Variants in KCNC2 observed in about 807,000 individuals in gnomAD.
KCNC2 encodes voltage-gated potassium channel KCNC2.
A neutral mutation model predicts 44.5 loss-of-function variants in KCNC2; 21 were observed. That is an observed-to-expected ratio of 0.47 (90% CI 0.33 to 0.68). KCNC2 has a LOEUF of 0.68. Ranked by LOEUF, KCNC2 falls within the 30% of genes least tolerant of loss-of-function variation. The pLI is 0.01. For missense variants in KCNC2, 589 were observed against 826.2 expected, an observed-to-expected ratio of 0.71 and a Z score of 3.52; for synonymous variants, 391 against 339.1, an observed-to-expected ratio of 1.15 and a Z score of -1.68.
chr12:75,078,944 C>A (rs1002561426), intron 2 of KCNC2, among the ~76,000 whole-genome samples: 2 of 152,074 alleles, frequency 1.3e-5, no homozygotes, highest in Non-Finnish European at 2.9e-5. Flanking sequence ...CTAGCTGTAC[C>A]TGACTTTAAG....
At chr12:75,084,255 G>T in intron 2 of KCNC2, among the ~76,000 whole-genome samples, 1 of 94,928 alleles carries the variant, frequency 1.1e-5, no homozygotes, top group East Asian at 2.8e-4. Context: ...AGATGATGAT[G>T]ATAGATAGAT....
intron 2 of KCNC2, among the ~76,000 whole-genome samples, chr12:75,206,150 G>C (rs1404004268): frequency 6.6e-6 from 1 of 152,136 alleles, no homozygotes; most frequent in East Asian, 1.9e-4. Context: ...AGACACTTCT[G>C]ACATACAGAG....
intron 2 of KCNC2, among the ~76,000 whole-genome samples, chr12:75,117,636 G>C (rs1202382554): frequency 6.6e-6 from 1 of 151,950 alleles, no homozygotes; most frequent in African/African-American, 2.4e-5. Context: ...AGAACTCTTA[G>C]GTTTGGAAGG....
At chr12:75,104,293 C>T (rs1023204911) in intron 2 of KCNC2, among the ~76,000 whole-genome samples, 5 of 152,146 alleles carry the variant, frequency 3.3e-5, no homozygotes, top group Non-Finnish European at 7.3e-5. Flanking sequence ...GGAAGGTTCA[C>T]GTCCCAAGTA....
chr12:75,077,753 C>T (rs1404154064), intron 2 of KCNC2, among the ~76,000 whole-genome samples: 2 of 152,044 alleles, frequency 1.3e-5, no homozygotes, highest in Admixed American at 6.6e-5. Context: ...GTTACGATAG[C>T]GTAAAACCTC....
At chr12:75,049,411 A>G (rs1471574150) in intron 3 of KCNC2, among the ~76,000 whole-genome samples, 1 of 152,148 alleles carries the variant, frequency 6.6e-6, no homozygotes. Flanking sequence ...ATGGGGAATC[A>G]ATAAACCCTA....
At chr12:75,198,527 G>T (rs2030967872) in intron 2 of KCNC2, among the ~76,000 whole-genome samples, 1 of 151,668 alleles carries the variant, frequency 6.6e-6, no homozygotes, top group African/African-American at 2.4e-5. Context: ...GAGAGAAGCA[G>T]AACAACTTAA....
intron 2 of KCNC2, among the ~76,000 whole-genome samples, chr12:75,179,005 CA>C (rs1262974042): frequency 1.3e-5 from 2 of 149,754 alleles, no homozygotes; most frequent in Non-Finnish European, 3.0e-5. Flanking sequence ...AACAAACAAA[CA>C]AAACAGTAGA....
intron 2 of KCNC2, among the ~76,000 whole-genome samples, chr12:75,198,095 A>T (rs1315098866): frequency 6.6e-6 from 1 of 151,942 alleles, no homozygotes; most frequent in African/African-American, 2.4e-5. Flanking sequence ...ATCAAGTCTA[A>T]TCATTTTTTA....
intron 2 of KCNC2, among the ~76,000 whole-genome samples, chr12:75,090,128 G>C (rs972975005): frequency 6.6e-6 from 1 of 151,664 alleles, no homozygotes; most frequent in East Asian, 1.9e-4. Flanking sequence ...CATTCCAACA[G>C]TCTAGATGGC....
chr12:75,042,969 A>T lies in KCNC2; in HGVS notation c.*136T>A. The T allele has an allele frequency of 7.1e-7, 1 of 1,418,422 alleles. No individual in the cohort carries two copies. The highest frequency in any genetic ancestry group is 3.0e-5 in the Admixed American group (1 of 33,588). 87.9% of individuals were successfully genotyped at this position (1,418,422 alleles called of 1,614,324 possible). ...CTACCCAAGTGGCATTTCTGACTTCAAATTGTAGTATCATGCAAGATTTAT... is the reference window on the plus strand; with the variant it reads ...CTACCCAAGTGGCATTTCTGACTTCTAATTGTAGTATCATGCAAGATTTAT... On this transcript the variant is annotated 3_prime_UTR_variant, in exon 5 of 5. Coordinates refer to ENST00000549446, the MANE Select transcript of KCNC2 (RefSeq NM_139137.4).
chr12:75,178,954 A>G (rs957088199), intron 2 of KCNC2, among the ~76,000 whole-genome samples: 4 of 152,002 alleles, frequency 2.6e-5, no homozygotes, highest in African/African-American at 7.2e-5. Flanking sequence ...TGACTGTTCT[A>G]TCTTTGAGCT....
chr12:75,098,528 G>A (rs558821245), intron 2 of KCNC2, among the ~76,000 whole-genome samples: 6 of 152,228 alleles, frequency 3.9e-5, no homozygotes, highest in Non-Finnish European at 5.9e-5. Flanking sequence ...GGAGGCCAAG[G>A]CTGGTGGATC....
chr12:75,134,983 T>C (rs1889125105), intron 2 of KCNC2, among the ~76,000 whole-genome samples: 1 of 151,972 alleles, frequency 6.6e-6, no homozygotes, highest in Non-Finnish European at 1.5e-5. Context: ...GAACGGCTTT[T>C]AGTAAACCCA....
chr12:75,101,907 A>G (rs1278529061), intron 2 of KCNC2, among the ~76,000 whole-genome samples: 1 of 152,100 alleles, frequency 6.6e-6, no homozygotes, highest in Non-Finnish European at 1.5e-5. Flanking sequence ...CAAATCATCA[A>G]GTTCAAACTG....
At chr12:75,084,434 G>A (rs1338008573) in intron 2 of KCNC2, among the ~76,000 whole-genome samples, 3 of 151,920 alleles carry the variant, frequency 2.0e-5, no homozygotes, top group Non-Finnish European at 2.9e-5. Context: ...GGGACCAGGG[G>A]GAGGTAATTG....
rs181196350 is a variant in KCNC2, at chr12:75,121,680, A to C, written c.688-70363T>G. On this transcript the variant is annotated intron_variant, in intron 2 of 4. Transcript: ENST00000549446. ...CTCTGCAGCTGTGCAGAGAGAGCTA[A>C]GTCCTGTTTCTTTTGAAATTTCCTA... 1.2e-4 allele frequency among the ~76,000 whole-genome samples: 19 copies of C among 152,336 alleles called. No individual in the cohort carries two copies. In the East Asian group the frequency reaches 3.5e-3, roughly 28 times the overall value.
chr12:75,142,930 A>G (rs116243307), intron 2 of KCNC2, among the ~76,000 whole-genome samples: 2,327 of 152,278 alleles, frequency 0.015, 57 homozygotes, highest in African/African-American at 0.053. Context: ...TTAAAGTGAT[A>G]AAGTATTTAT....
intron 2 of KCNC2, among the ~76,000 whole-genome samples, chr12:75,086,681 A>AATATATATATATATAT (rs398044519): frequency 0.018 from 971 of 53,546 alleles, 19 homozygotes; most frequent in Non-Finnish European, 0.025. Flanking sequence ...AAAAAAAAAA[A>AATATATATATATATAT]ATATATATAT....
Sources: gnomAD v4.1 joint callset for allele counts (sites outside exome capture counted in the v4.1 genomes callset) on GRCh38, gnomAD v4.1.1 for gene constraint, MANE v1.5 for transcripts, NCBI Gene and HGNC (gene_info 2026-07-23, HGNC 2026-07-21) for gene names.